PLAAT5: variants seen among roughly 807,000 people sequenced by gnomAD.
PLAAT5 encodes Ca(2+)-independent N-acyltransferase.
A neutral mutation model predicts 27.8 loss-of-function variants in PLAAT5; 27 were observed. That is an observed-to-expected ratio of 0.97 (90% CI 0.72 to 1.34). The LOEUF is 1.34. Among genes scored for constraint, PLAAT5 ranks in the 40% most tolerant of loss-of-function variants. PLAAT5 has a pLI of 0.00. For synonymous variants in PLAAT5, 125 were observed against 136.1 expected (o/e 0.92, Z 0.57); for missense variants, 368 against 343.8 (o/e 1.07, Z -0.56).
chr11:63,473,983 C>T (rs551875477), intron 3 of PLAAT5, among the ~76,000 whole-genome samples: 2 of 152,154 alleles, frequency 1.3e-5, no homozygotes, highest in African/African-American at 4.8e-5. Flanking sequence ...ACAGGCATGC[C>T]CCACAGCGCC....
intron 3 of PLAAT5, chr11:63,469,513 G>A: frequency 4.1e-6 from 1 of 241,018 alleles, no homozygotes; most frequent in Non-Finnish European, 9.3e-6. Flanking sequence ...GGCCAAAACA[G>A]GGTATAAAAG....
chr11:63,481,417 G>A (rs1481910533), intron 3 of PLAAT5, among the ~76,000 whole-genome samples: 1 of 152,178 alleles, frequency 6.6e-6, no homozygotes. Context: ...TCCAGCCTGG[G>A]TGACAGAGCA....
intron 3 of PLAAT5, among the ~76,000 whole-genome samples, chr11:63,484,665 C>T (rs527457535): frequency 9.9e-5 from 15 of 152,166 alleles, no homozygotes; most frequent in Non-Finnish European, 1.9e-4. Flanking sequence ...AAGCCATCTA[C>T]GACAAACCCA....
At chr11:63,483,822 T>TATATATAC (rs2016361791) in intron 3 of PLAAT5, among the ~76,000 whole-genome samples, 1 of 103,346 alleles carries the variant, frequency 9.7e-6, no homozygotes, top group Non-Finnish European at 2.0e-5. Flanking sequence ...TATATATATA[T>TATATATAC]ATATATATAT....
At chr11:63,467,063 T>A (rs879881534) in intron 4 of PLAAT5, among the ~76,000 whole-genome samples, 3 of 152,222 alleles carry the variant, frequency 2.0e-5, no homozygotes, top group Non-Finnish European at 4.4e-5. Context: ...GGGTGGGTAG[T>A]CATTTAAAGT....
intron 3 of PLAAT5, among the ~76,000 whole-genome samples, chr11:63,476,647 T>C (rs2016159112): frequency 1.3e-5 from 2 of 152,206 alleles, no homozygotes; most frequent in African/African-American, 4.8e-5. Context: ...GATTCTCTCT[T>C]TGTGTTTGGC....
Position 63,463,146 on chromosome 11 carries a change from G to A in PLAAT5, c.*357C>T, listed in dbSNP as rs958917260. On this transcript the variant is annotated 3_prime_UTR_variant, in exon 6 of 6. Coordinates refer to ENST00000540857, the MANE Select transcript of PLAAT5 (RefSeq NM_001146729.2). ...TCGTTACTGGAAATATTCAAGCAGA[G>A]GTTTCTGGGATGTTTCTGATGGCAC... 5.1e-5 allele frequency: 11 copies of A among 216,840 alleles called. No homozygotes were observed. Among genetic ancestry groups the A allele is most frequent in the Non-Finnish European group, 7.3e-5 (8 of 109,960 alleles). The allele number at this position is 216,840 out of a possible 1,614,324, so 13.4% of individuals were successfully genotyped here.
rs2015769426 is a variant in PLAAT5 at position 63,463,450 on chromosome 11, G to A, written c.*53C>T. ...GAGAGAAGGCAAGGGAAGGAAGCATGTTCTTTTTGCTTGTGTCAGTAACTC... is the reference window on the plus strand; with the variant it reads ...GAGAGAAGGCAAGGGAAGGAAGCATATTCTTTTTGCTTGTGTCAGTAACTC... On this transcript the variant is annotated 3_prime_UTR_variant, in exon 6 of 6. Transcript: ENST00000540857. 5.9e-6 allele frequency: 8 copies of A among 1,360,450 alleles called. No individual in the cohort carries two copies. The highest frequency in any genetic ancestry group is 1.7e-5 in the Admixed American group (1 of 59,528). The allele number at this position is 1,360,450 out of a possible 1,614,324, so 84.3% of individuals were successfully genotyped here.
At chr11:63,490,517 T>TGAAC in intron 1 of PLAAT5, 184 bp from the exon 2 acceptor site, 1 of 892,240 alleles carries the variant, frequency 1.1e-6, no homozygotes, top group Non-Finnish European at 1.7e-6. Flanking sequence ...CGGGTTCAGT[T>TGAAC]CCTCTGCCAA....
At chr11:63,482,746 C>T (rs2016316830) in intron 3 of PLAAT5, among the ~76,000 whole-genome samples, 1 of 152,042 alleles carries the variant, frequency 6.6e-6, no homozygotes, top group South Asian at 2.1e-4. Flanking sequence ...ATGATTAAAA[C>T]AGCACCTCAC....
chr11:63,490,430 G>T, intron 1 of PLAAT5, 97 bp from the exon 2 acceptor site: 1 of 1,597,356 alleles, frequency 6.3e-7, no homozygotes. Context: ...CTCTAGTCTA[G>T]CATCGTGCCT....
intron 3 of PLAAT5, chr11:63,469,587 G>A: frequency 4.3e-6 from 1 of 230,560 alleles, no homozygotes; most frequent in South Asian, 8.4e-5. Flanking sequence ...TTACAATTAA[G>A]GAAAGGCTGT....
intron 3 of PLAAT5, among the ~76,000 whole-genome samples, chr11:63,483,710 C>A (rs2016340886): frequency 8.0e-6 from 1 of 124,890 alleles, no homozygotes; most frequent in African/African-American, 3.0e-5. Context: ...CAAGAATAAA[C>A]CAAACCTAAA....
Position 63,461,470 on chromosome 11 carries a change from C to G in PLAAT5, c.*2033G>C, listed in dbSNP as rs773255993. On this transcript the variant is annotated 3_prime_UTR_variant, in exon 6 of 6. Transcript: ENST00000540857. ...GAGTACGTTCCCTTAGAATTTTCTC[C>G]TCTCCACTCCATGAGGAGTGGGCAT... 4 of 152,188 alleles carry G rather than the reference C, an allele frequency of 2.6e-5. No individual in the cohort carries two copies. Among genetic ancestry groups the G allele is most frequent in the Non-Finnish European group, 5.9e-5 (4 of 68,034 alleles). 9.4% of individuals were successfully genotyped at this position (152,188 alleles called of 1,614,324 possible).
At chr11:63,490,376 A>C in intron 1 of PLAAT5, 43 bp from the exon 2 acceptor site, 1 of 1,613,668 alleles carries the variant, frequency 6.2e-7, no homozygotes, top group Non-Finnish European at 8.5e-7. Context: ...GTGAAAGGAG[A>C]GTTCGAGCAA....
intron 3 of PLAAT5, among the ~76,000 whole-genome samples, chr11:63,477,486 A>AT: frequency 6.6e-6 from 1 of 151,472 alleles, no homozygotes; most frequent in Admixed American, 6.6e-5. Context: ...ATTTTTATTT[A>AT]TTTTTTTGAG....
chr11:63,489,923 CCAAAGG>C (rs2016520449), intron 2 of PLAAT5, among the ~76,000 whole-genome samples: 4 of 152,314 alleles, frequency 2.6e-5, no homozygotes, highest in Middle Eastern at 3.4e-3. Flanking sequence ...AGGAAATCTG[CCAAAGG>C]CCGACTCATT....
chr11:63,478,325 CT>C (rs768796267), intron 3 of PLAAT5, among the ~76,000 whole-genome samples: 615 of 143,524 alleles, frequency 4.3e-3, no homozygotes, highest in South Asian at 7.1e-3. Flanking sequence ...AATAGACTTT[CT>C]TTTTTTTTTT....
chr11:63,471,099 T>C (rs1415320085), intron 3 of PLAAT5, among the ~76,000 whole-genome samples: 1 of 152,170 alleles, frequency 6.6e-6, no homozygotes, highest in African/African-American at 2.4e-5. Flanking sequence ...AACTCCAGCA[T>C]GAAGAACACC....
Sources: allele counts gnomAD v4.1 joint callset (sites outside exome capture counted in the v4.1 genomes callset), GRCh38; gene constraint gnomAD v4.1.1; transcripts MANE v1.5; gene names NCBI Gene and HGNC (gene_info 2026-07-23, HGNC 2026-07-21).